Variants in TBXAS1 observed in about 807,000 individuals in gnomAD.
TBXAS1 encodes thromboxane A synthase 1, also known as thromboxane-A synthase.
A neutral mutation model predicts 60.7 loss-of-function variants in TBXAS1; 48 were observed. The observed-to-expected ratio is 0.79, with a 90% confidence interval of 0.63 to 1.01. The LOEUF (loss-of-function observed/expected upper bound fraction) is 1.01, where lower values mean the gene tolerates loss of function less well. Among genes scored for constraint, TBXAS1 ranks in the 50% least tolerant of loss-of-function variants. The pLI is 0.00. For missense variants in TBXAS1, 685 were observed against 686.3 expected (o/e 1.00, Z 0.02); for synonymous variants, 287 against 269.7 (o/e 1.06, Z -0.63).
At chr7:139,972,478 T>G (rs1195979680) in intron 9 of TBXAS1, among the ~76,000 whole-genome samples, 1 of 152,178 alleles carries the variant, frequency 6.6e-6, no homozygotes, top group Non-Finnish European at 1.5e-5. Flanking sequence ...TTGCACACAT[T>G]ATGGGCTCTT....
At chr7:139,986,841 G>C (rs1475357203) in intron 9 of TBXAS1, among the ~76,000 whole-genome samples, 8 of 144,936 alleles carry the variant, frequency 5.5e-5, no homozygotes, top group African/African-American at 2.0e-4. Flanking sequence ...TTATCCACTA[G>C]TTGATGGGCA....
intron 5 of TBXAS1, chr7:139,952,417 C>A: frequency 1.8e-6 from 2 of 1,128,648 alleles, no homozygotes; most frequent in African/African-American, 1.6e-5. Flanking sequence ...TGAAAATCAT[C>A]AAATCTAAAC....
At chr7:139,914,070 C>T (rs1805767139) in intron 4 of TBXAS1, 1 of 150,140 alleles carries the variant, frequency 6.7e-6, no homozygotes, top group South Asian at 2.1e-4. Context: ...TGCTCTGTCA[C>T]CCAGGCTGGA....
chr7:140,019,261 C>A (rs947018558), intron 12 of TBXAS1, among the ~76,000 whole-genome samples: 1 of 152,174 alleles, frequency 6.6e-6, no homozygotes, highest in Admixed American at 6.5e-5. Context: ...CAGGGAGGGG[C>A]AGATCGGCAG....
intron 3 of TBXAS1, chr7:139,906,124 T>C (rs1805061595): frequency 5.0e-6 from 2 of 396,992 alleles, no homozygotes; most frequent in South Asian, 3.6e-5. Context: ...GGCTTGATCT[T>C]GGATCACTGC....
chr7:139,820,697 G>C lies in TBXAS1; in HGVS notation c.-79-8615G>C, dbSNP rs992494594. On this transcript the variant is annotated intron_variant, in intron 4 of 16. Coordinates refer to the TBXAS1 transcript ENST00000336425. ...TGGTCCACTGGGTCTTAGATGTCCT[G>C]ACCCTACCTTATCTCTCCTGTGTAG... 3.9e-5 allele frequency among the ~76,000 whole-genome samples: 6 copies of C among 152,096 alleles called. No homozygotes were observed. The South Asian group carries it at 1.2e-3, about 32-fold the overall frequency.
At chr7:139,880,165 G>A (rs1005877488) in intron 3 of TBXAS1, among the ~76,000 whole-genome samples, 9 of 152,210 alleles carry the variant, frequency 5.9e-5, no homozygotes, top group African/African-American at 1.9e-4. Flanking sequence ...TTACAGGCGT[G>A]AGTCACCATA....
chr7:139,819,606 G>A (rs1168858986), intron 4 of TBXAS1, among the ~76,000 whole-genome samples: 9 of 152,076 alleles, frequency 5.9e-5, no homozygotes, highest in Non-Finnish European at 1.2e-4. Flanking sequence ...AGGTTCAAGC[G>A]ATTCTCCTGC....
chr7:139,878,161 AAG>A (rs759389996), intron 3 of TBXAS1, among the ~76,000 whole-genome samples: 6 of 149,192 alleles, frequency 4.0e-5, no homozygotes, highest in African/African-American at 9.9e-5. Context: ...GACAGAGAAA[AAG>A]AGAGAGAGAG....
chr7:139,938,858 T>C (rs1265051575), intron 5 of TBXAS1, among the ~76,000 whole-genome samples: 1 of 152,174 alleles, frequency 6.6e-6, no homozygotes, highest in Non-Finnish European at 1.5e-5. Flanking sequence ...GGTTTAGCAG[T>C]CCTGGGCTAT....
intron 4 of TBXAS1, among the ~76,000 whole-genome samples, chr7:139,917,071 G>A (rs1806044918): frequency 6.6e-6 from 1 of 152,186 alleles, no homozygotes; most frequent in African/African-American, 2.4e-5. Flanking sequence ...CATGACCTAG[G>A]GAAGCTCTCA....
intron 1 of TBXAS1, among the ~76,000 whole-genome samples, chr7:139,853,296 T>C (rs868247750): frequency 8.5e-5 from 13 of 152,130 alleles, no homozygotes; most frequent in African/African-American, 3.1e-4. Flanking sequence ...TCCCCCGTCT[T>C]ACAGATAGGT....
rs1025634613 is a variant in TBXAS1, at chr7:140,013,548, T to C, written c.1227-2175T>C. 3.3e-5 allele frequency among the ~76,000 whole-genome samples: 5 copies of C among 152,152 alleles called. No homozygotes were observed. The highest frequency in any genetic ancestry group is 1.2e-4 in the African/African-American group (5 of 41,446). The stretch of plus-strand genomic sequence containing the variant: ...TTTCTTGAGTCACGGGTGTTGGTTG[T>C]AAGAAACTGGTGGGGTAAGGAAGCT... On this transcript the variant is annotated intron_variant, in intron 10 of 12. Coordinates refer to ENST00000448866, the MANE Select transcript of TBXAS1 (RefSeq NM_001061.7). The surrounding 1 kb of genome is among the most constrained non-coding windows in gnomAD (Gnocchi z 4.2).
chr7:139,809,209 T>C (rs55779911), intron 4 of TBXAS1, among the ~76,000 whole-genome samples: 54,639 of 131,246 alleles, frequency 0.42, 10,914 homozygotes, highest in South Asian at 0.68. Flanking sequence ...GATAGATAGA[T>C]AGATAGATAG....
At chr7:139,893,573 G>T (rs1053711662) in intron 3 of TBXAS1, among the ~76,000 whole-genome samples, 7 of 152,064 alleles carry the variant, frequency 4.6e-5, no homozygotes, top group African/African-American at 1.4e-4. Flanking sequence ...GAAAAAAATT[G>T]CTTGCCTAAC....
chr7:139,816,647 A>G (rs1223323345), intron 4 of TBXAS1, among the ~76,000 whole-genome samples: 1 of 152,240 alleles, frequency 6.6e-6, no homozygotes, highest in Admixed American at 6.5e-5. Flanking sequence ...GCCCCAACCC[A>G]GAATTACTGA....
rs1809800177 is a variant in TBXAS1 at position 139,955,590 on chromosome 7, C to T, written c.671C>T (p.Pro224Leu). Residue 224 changes from proline to leucine, a missense_variant, in exon 7 of 13, where the codon CCT becomes CTT. Physicochemically the swap from Pro to Leu is moderately conservative, Grantham distance 98. Coordinates refer to ENST00000448866, the MANE Select transcript of TBXAS1 (RefSeq NM_001061.7). ...TTCTTCGAATTCTGCATCCCCAGAC[C>T]TATCCTGGTTTTACTCTGTAAGTGC... ...KRFFEFCIPR[P>L]ILVLLLSFPS... The T allele has an allele frequency of 3.7e-6, 6 of 1,614,098 alleles. No homozygotes were observed. Among genetic ancestry groups the T allele is most frequent in the Non-Finnish European group, 5.1e-6 (6 of 1,180,048 alleles).
At chr7:139,992,598 C>T (rs1004429036) in intron 9 of TBXAS1, among the ~76,000 whole-genome samples, 3 of 152,366 alleles carry the variant, frequency 2.0e-5, no homozygotes, top group Non-Finnish European at 2.9e-5. Flanking sequence ...GTGGAGGAGG[C>T]GGCCCTGGAG....
intron 1 of TBXAS1, among the ~76,000 whole-genome samples, chr7:139,840,136 C>T (rs1799339586): frequency 6.6e-6 from 1 of 152,102 alleles, no homozygotes; most frequent in Non-Finnish European, 1.5e-5. Context: ...TACCACTATG[C>T]CTGGAAGTTC....
Sources: gnomAD v4.1 joint callset for allele counts (sites outside exome capture counted in the v4.1 genomes callset) on GRCh38, gnomAD v4.1.1 for gene constraint, Gnocchi (gnomAD v3.1) non-coding constraint, MANE v1.5 for transcripts, NCBI Gene and HGNC (gene_info 2026-07-23, HGNC 2026-07-21) for gene names.